The following MYBL2 variants were observed in gnomAD, a reference collection of about 807,000 sequenced individuals.
MYBL2 encodes myb-related protein B.
In MYBL2, 28 loss-of-function variants were observed where a neutral mutation model predicts 79.9. The observed-to-expected ratio is 0.35, with a 90% CI of 0.26 to 0.48. The LOEUF (loss-of-function observed/expected upper bound fraction) is 0.48, where lower values mean the gene tolerates loss of function less well. Ranked by LOEUF, MYBL2 falls within the 20% of genes least tolerant of loss-of-function variation. MYBL2 has a pLI of 0.99. For missense variants in MYBL2, 735 were observed against 893.9 expected (o/e 0.82, Z 2.27); for synonymous variants, 378 against 361.2 (o/e 1.05, Z -0.53).
chr20:43,675,653 A>AC (rs1333471689), intron 2 of MYBL2, among the ~76,000 whole-genome samples: 1 of 151,994 alleles, frequency 6.6e-6, no homozygotes, highest in African/African-American at 2.4e-5. Context: ...CAATGTAAGC[A>AC]CCACCCTGAT....
chr20:43,692,552 C>G (rs1987439154), intron 6 of MYBL2, among the ~76,000 whole-genome samples: 1 of 152,142 alleles, frequency 6.6e-6, no homozygotes, highest in African/African-American at 2.4e-5. Context: ...TAAGGAGATC[C>G]TCAGCCTCCA....
At chr20:43,679,013 G>A (rs1019479417) in intron 2 of MYBL2, among the ~76,000 whole-genome samples, 53 of 152,124 alleles carry the variant, frequency 3.5e-4, no homozygotes, top group Admixed American at 6.5e-5. Flanking sequence ...GGGAGTCCCA[G>A]GGTGGGTGGG....
chr20:43,678,023 T>C (rs1459016643), intron 2 of MYBL2, among the ~76,000 whole-genome samples: 2 of 152,212 alleles, frequency 1.3e-5, no homozygotes, highest in East Asian at 3.8e-4. Context: ...CTGTGCTCTC[T>C]GAAACGTGCT....
rs761243227 is a variant in MYBL2, at chr20:43,711,523, G to A, written c.1641G>A (p.Glu547=). The A allele has an allele frequency of 2.5e-6, 4 of 1,613,660 alleles. No homozygotes were observed. Among genetic ancestry groups the A allele is most frequent in the Non-Finnish European group, 3.4e-6 (4 of 1,179,882 alleles). The change falls in exon 11 of 14, where the codon GAG becomes GAA. Residue 547 remains glutamate, a synonymous_variant. Coordinates refer to ENST00000217026, the MANE Select transcript of MYBL2 (RefSeq NM_002466.4). ...CGCACCTGGAGGAGGACTTGAAGGA[G>A]GTGCTGCGTTCTGAGGCTGGCATCG... ...QTPHLEEDLK[E]VLRSEAGIEL...
At chr20:43,677,294 C>G (rs191635226) in intron 2 of MYBL2, among the ~76,000 whole-genome samples, 1 of 152,094 alleles carries the variant, frequency 6.6e-6, no homozygotes, top group African/African-American at 2.4e-5. Context: ...TCCGCGGCAC[C>G]GGTAGGATCA....
At chr20:43,709,350 G>A (rs1987854544) in intron 9 of MYBL2, among the ~76,000 whole-genome samples, 2 of 152,326 alleles carry the variant, frequency 1.3e-5, no homozygotes, top group African/African-American at 4.8e-5. Flanking sequence ...TGGGGCGTGA[G>A]GTGCCTTTTC....
intron 1 of MYBL2, 65 bp downstream of exon 1, chr20:43,667,368 A>G (rs1180946145): frequency 4.7e-6 from 5 of 1,055,576 alleles, no homozygotes; most frequent in Non-Finnish European, 2.4e-6. Flanking sequence ...CCCCACCCAG[A>G]TACCCCCGAC....
chr20:43,708,317 C>T (rs548487843), intron 9 of MYBL2, among the ~76,000 whole-genome samples: 1 of 152,186 alleles, frequency 6.6e-6, no homozygotes, highest in East Asian at 1.9e-4. Flanking sequence ...CCAGGCTAGT[C>T]TTGAACTCTG....
chr20:43,715,373 G>A, intron 13 of MYBL2, 90 bp downstream of exon 13: 1 of 1,575,086 alleles, frequency 6.3e-7, no homozygotes, highest in Non-Finnish European at 8.6e-7. Flanking sequence ...GTCCTGCAGT[G>A]CCCGCCTTCT....
At chr20:43,698,080 T>TTTTTTTTTTTTTTTG (rs149530290) in intron 6 of MYBL2, among the ~76,000 whole-genome samples, 4 of 122,522 alleles carry the variant, frequency 3.3e-5, no homozygotes, top group African/African-American at 9.2e-5. Flanking sequence ...TTTTTTTTTT[T>TTTTTTTTTTTTTTTG]ATCTTGTTAC....
At chr20:43,667,354 C>A in intron 1 of MYBL2, 51 bp downstream of exon 1, 1 of 1,179,490 alleles carries the variant, frequency 8.5e-7, no homozygotes, top group South Asian at 4.3e-5. Flanking sequence ...TTAACTCACC[C>A]CTCCCCCACC....
chr20:43,681,195 C>G (rs151270137), intron 2 of MYBL2, among the ~76,000 whole-genome samples: 1 of 152,332 alleles, frequency 6.6e-6, no homozygotes, highest in Non-Finnish European at 1.5e-5. Flanking sequence ...CCTCCAGCTT[C>G]TAGTGCTGAA....
chr20:43,707,358 T>C (rs773036947), intron 9 of MYBL2, among the ~76,000 whole-genome samples: 3 of 152,106 alleles, frequency 2.0e-5, no homozygotes, highest in African/African-American at 4.8e-5. Flanking sequence ...TTGATACTTC[T>C]CTCTCTCCCT....
chr20:43,715,323 G>T, intron 13 of MYBL2, 40 bp downstream of exon 13: 16 of 1,612,578 alleles, frequency 9.9e-6, no homozygotes, highest in Non-Finnish European at 1.1e-5. Context: ...TGCAGTGCCC[G>T]CCTTCTTAGC....
intron 6 of MYBL2, among the ~76,000 whole-genome samples, chr20:43,695,902 C>G (rs1007646178): frequency 4.6e-5 from 7 of 152,156 alleles, no homozygotes; most frequent in Middle Eastern, 3.4e-3. Flanking sequence ...CCCAGCTACT[C>G]GGGAGGCTGA....
chr20:43,673,026 C>T (rs1986904453), intron 1 of MYBL2, among the ~76,000 whole-genome samples: 3 of 152,188 alleles, frequency 2.0e-5, no homozygotes, highest in Middle Eastern at 3.4e-3. Flanking sequence ...TCATTGCAAC[C>T]TTCACCTCCC....
At chr20:43,672,135 T>TG (rs1001543422) in intron 1 of MYBL2, among the ~76,000 whole-genome samples, 5 of 72,778 alleles carry the variant, frequency 6.9e-5, no homozygotes, top group Non-Finnish European at 1.5e-4. Flanking sequence ...CGCCTGAACC[T>TG]GGGGGGCAGA....
chr20:43,701,612 A>G (rs1987676319), intron 7 of MYBL2, among the ~76,000 whole-genome samples: 2 of 152,192 alleles, frequency 1.3e-5, no homozygotes, highest in African/African-American at 4.8e-5. Flanking sequence ...TATGAAAGGG[A>G]AAGTAATGCT....
At chr20:43,708,451 C>T (rs750878109) in intron 9 of MYBL2, among the ~76,000 whole-genome samples, 4 of 151,572 alleles carry the variant, frequency 2.6e-5, no homozygotes, top group South Asian at 4.2e-4. Context: ...TTCTTTTTTC[C>T]GAGACAAGGT....
Sources: gnomAD v4.1 joint callset for allele counts (sites outside exome capture counted in the v4.1 genomes callset) on GRCh38, gnomAD v4.1.1 for gene constraint, MANE v1.5 for transcripts, NCBI Gene and HGNC (gene_info 2026-07-23, HGNC 2026-07-21) for gene names.